The following PIWIL3 variants were observed in gnomAD, a reference collection of about 807,000 sequenced individuals.
The protein encoded by PIWIL3 is piwi-like protein 3.
Under a neutral mutation model 109.7 loss-of-function variants are expected in PIWIL3, and 101 were observed. The ratio of observed to expected loss-of-function variants is 0.92; its 90% CI spans 0.78 to 1.09. The LOEUF is 1.09. PIWIL3 is among the 50% of genes least tolerant of loss of function. The pLI is 0.00. For missense variants in PIWIL3, 1,031 were observed against 1,072.6 expected, an observed-to-expected ratio of 0.96 and a Z score of 0.54; for synonymous variants, 373 against 376.4, an observed-to-expected ratio of 0.99 and a Z score of 0.10.
At chr22:24,744,207 A>AAAAAAAAAAAAC (rs1569103685) in intron 12 of PIWIL3, among the ~76,000 whole-genome samples, 7 of 135,036 alleles carry the variant, frequency 5.2e-5, no homozygotes, top group Non-Finnish European at 6.4e-5. Context: ...AAAAAAAAAA[A>AAAAAAAAAAAAC]CAATGATCTG....
chr22:24,766,297 G>GT lies in PIWIL3; in HGVS notation c.-22-3777dup, dbSNP rs1311851872. On this transcript the variant is annotated intron_variant, in intron 1 of 20. Coordinates refer to ENST00000616349, the MANE Select transcript of PIWIL3 (RefSeq NM_001255975.1). ...CCACCATGCCTAGCCTAGGTTTTTT[G>GT]TTTTTTTGTTTTGTTTTGTTTTGTT... 5.3e-5 allele frequency among the ~76,000 whole-genome samples: 8 copies of GT among 150,886 alleles called. No homozygotes were observed. The South Asian group carries it at 6.3e-4, about 12-fold the overall frequency.
chr22:24,725,061 A>G (rs747073691), intron 17 of PIWIL3, 24 bp from the exon 18 acceptor site: 50 of 1,612,536 alleles, frequency 3.1e-5, no homozygotes, highest in Admixed American at 5.0e-5. Context: ...AGAAAAAGTA[A>G]ATAAACCGTT....
Position 24,719,589 on chromosome 22 carries a change from C to A in PIWIL3, c.2506-1G>T, listed in dbSNP as rs1451712069. On this transcript the variant is annotated splice_acceptor_variant, in intron 20 of 20. Coordinates refer to ENST00000616349, the MANE Select transcript of PIWIL3 (RefSeq NM_001255975.1). LOFTEE classifies it high-confidence loss of function. ...AAGGCGCTGGAACTCGGATGATGCC[C>A]TTTAGTAGGAAAAGAAAATACACAA... 6.3e-7 allele frequency: 1 copy of A among 1,578,958 alleles called. No individual in the cohort carries two copies. Among genetic ancestry groups the A allele is most frequent in the South Asian group, 1.2e-5 (1 of 85,036 alleles).
intron 19 of PIWIL3, among the ~76,000 whole-genome samples, chr22:24,722,853 G>A (rs557344670): frequency 2.6e-5 from 4 of 152,176 alleles, no homozygotes; most frequent in South Asian, 4.1e-4. Context: ...TTTTGTATTC[G>A]TAATTAGAAG....
chr22:24,760,174 C>T (rs976324420), intron 2 of PIWIL3, among the ~76,000 whole-genome samples, 185 bp from the exon 3 acceptor site: 4 of 151,836 alleles, frequency 2.6e-5, no homozygotes, highest in Admixed American at 6.6e-5. Flanking sequence ...AGGAAAAAAA[C>T]AAAAAAAGGA....
chr22:24,756,677 G>A lies in PIWIL3; in HGVS notation c.384C>T (p.Leu128=), dbSNP rs536662572. ...GAGATATCACTCGGAAGTGGTTGGC[G>A]AGTAGCTGTACCACTGTACCCTCTG... ...TGSEGTVVQL[L]ANHFRVISRP... The change falls in exon 5 of 21, where the codon CTC becomes CTT. Residue 128 remains leucine, a synonymous_variant. Coordinates refer to ENST00000616349, the MANE Select transcript of PIWIL3 (RefSeq NM_001255975.1). 132 of 1,613,782 alleles carry A rather than the reference G, an allele frequency of 8.2e-5. No homozygotes were observed. Among genetic ancestry groups the A allele is most frequent in the South Asian group, 6.7e-4 (61 of 90,990 alleles).
chr22:24,739,347 A>G (rs1485570805), intron 12 of PIWIL3, among the ~76,000 whole-genome samples: 2 of 152,214 alleles, frequency 1.3e-5, no homozygotes, highest in Non-Finnish European at 2.9e-5. Flanking sequence ...ATCTAAGTAT[A>G]AAGTGGTTAC....
At chr22:24,761,054 A>G (rs1925409694) in intron 2 of PIWIL3, among the ~76,000 whole-genome samples, 1 of 152,044 alleles carries the variant, frequency 6.6e-6, no homozygotes, top group African/African-American at 2.4e-5. Flanking sequence ...CAAATGGAAG[A>G]ATGGAAGTCC....
intron 8 of PIWIL3, among the ~76,000 whole-genome samples, chr22:24,752,310 A>G (rs945454021): frequency 2.0e-5 from 3 of 152,206 alleles, no homozygotes; most frequent in African/African-American, 7.2e-5. Flanking sequence ...AGAAGCCAGT[A>G]TATCCAACAT....
At chr22:24,770,215 T>A (rs1270546158) in intron 1 of PIWIL3, among the ~76,000 whole-genome samples, 1 of 152,226 alleles carries the variant, frequency 6.6e-6, no homozygotes, top group Admixed American at 6.5e-5. Context: ...CTAGCAAGTA[T>A]TGAAGGCAAG....
chr22:24,724,166 C>T (rs532611758), intron 18 of PIWIL3, among the ~76,000 whole-genome samples: 6 of 152,168 alleles, frequency 3.9e-5, no homozygotes, highest in Admixed American at 6.5e-5. Context: ...GGCGCTCCCC[C>T]ACCCATCCAC....
intron 20 of PIWIL3, 70 bp downstream of exon 20, chr22:24,719,678 G>A: frequency 6.5e-7 from 1 of 1,548,540 alleles, no homozygotes; most frequent in East Asian, 2.3e-5. Flanking sequence ...CAGTTCAGAG[G>A]TCCAACATTG....
intron 1 of PIWIL3, chr22:24,769,869 C>T (rs1049388391): frequency 6.6e-6 from 1 of 151,648 alleles, no homozygotes; most frequent in African/African-American, 2.4e-5. Flanking sequence ...AAAAAAAAAT[C>T]CCCAAAATAT....
chr22:24,719,999 C>A (rs1443117601), intron 19 of PIWIL3, 104 bp from the exon 20 acceptor site: 2 of 983,850 alleles, frequency 2.0e-6, no homozygotes, highest in East Asian at 5.5e-5. Flanking sequence ...TTACAAAAAT[C>A]TATTCTATAG....
chr22:24,728,869 T>C (rs936072258), intron 14 of PIWIL3, among the ~76,000 whole-genome samples: 8 of 152,150 alleles, frequency 5.3e-5, no homozygotes, highest in Non-Finnish European at 4.4e-5. Flanking sequence ...ACAGTCACCA[T>C]TTACAGGACT....
intron 12 of PIWIL3, among the ~76,000 whole-genome samples, chr22:24,739,552 T>A (rs1923856225): frequency 1.3e-5 from 2 of 150,998 alleles, no homozygotes; most frequent in African/African-American, 4.9e-5. Flanking sequence ...TAAAGTGCTG[T>A]AGGAAAAAAA....
At chr22:24,729,100 A>C (rs7364188) in intron 14 of PIWIL3, among the ~76,000 whole-genome samples, 3,858 of 152,230 alleles carry the variant, frequency 0.025, 156 homozygotes, top group African/African-American at 0.083. Context: ...ACTCCATGGG[A>C]AGTTGCATAA....
intron 14 of PIWIL3, among the ~76,000 whole-genome samples, chr22:24,732,478 C>A (rs1923410198): frequency 1.3e-5 from 2 of 152,132 alleles, no homozygotes; most frequent in Admixed American, 6.5e-5. Flanking sequence ...AAAAGTAGGA[C>A]AAGTTCTTCT....
At chr22:24,725,299 C>T (rs1226418346) in intron 17 of PIWIL3, 146 bp downstream of exon 17, 4 of 1,016,684 alleles carry the variant, frequency 3.9e-6, no homozygotes, top group Non-Finnish European at 5.7e-6. Context: ...ACCCACTAGA[C>T]TCAATGCCAG....
Sources: allele counts gnomAD v4.1 joint callset (sites outside exome capture counted in the v4.1 genomes callset), GRCh38; gene constraint gnomAD v4.1.1; transcripts MANE v1.5; gene names NCBI Gene and HGNC (gene_info 2026-07-23, HGNC 2026-07-21).